The following LRRC39 variants were observed in gnomAD, a reference collection of about 807,000 sequenced individuals.
LRRC39 encodes leucine rich repeat containing 39, also known as leucine-rich repeat-containing protein 39.
LRRC39 carries 35 observed loss-of-function variants against 39.7 expected under a neutral mutation model. The observed-to-expected ratio is 0.88, with a 90% confidence interval of 0.67 to 1.17. LRRC39 has a LOEUF of 1.17. Ranked by LOEUF, LRRC39 falls within the 50% of genes most tolerant of loss-of-function variation. The pLI is 0.00. For missense variants in LRRC39, 357 were observed against 385.8 expected (o/e 0.93, Z 0.62); for synonymous variants, 113 against 134.1 (o/e 0.84, Z 1.09).
chr1:100,154,694 C>G (rs1417421511), intron 8 of LRRC39, among the ~76,000 whole-genome samples: 1 of 152,058 alleles, frequency 6.6e-6, no homozygotes, highest in African/African-American at 2.4e-5. Context: ...TTTTGTCAAC[C>G]AAGTTTTCAA....
At chr1:100,178,567 C>T (rs1179139576), upstream of LRRC39, among the ~76,000 whole-genome samples, 1 of 152,016 alleles carries the variant, frequency 6.6e-6, no homozygotes, top group Non-Finnish European at 1.5e-5. Context: ...AACCATGGAT[C>T]TGCAAATATT....
intron 9 of LRRC39, 78 bp downstream of exon 9, chr1:100,152,307 A>C: frequency 7.4e-7 from 1 of 1,349,732 alleles, no homozygotes; most frequent in Non-Finnish European, 1.0e-6. Flanking sequence ...AAAGGAATTA[A>C]TCAAAAGGCA....
chr1:100,150,332 TTAAG>T (rs1243531256), intron 9 of LRRC39: 1 of 152,226 alleles, frequency 6.6e-6, no homozygotes, highest in Non-Finnish European at 1.5e-5. Context: ...GGTAGTTTGT[TTAAG>T]TTAGTTACCC....
intron 8 of LRRC39, among the ~76,000 whole-genome samples, chr1:100,152,834 C>A (rs1321889471): frequency 6.6e-6 from 1 of 152,200 alleles, no homozygotes; most frequent in Non-Finnish European, 1.5e-5. Flanking sequence ...TCAAGTGATT[C>A]TTGTGCTTCA....
At chr1:100,155,349 C>T in intron 7 of LRRC39, 146 bp from the exon 8 acceptor site, 1 of 670,142 alleles carries the variant, frequency 1.5e-6, no homozygotes, top group Non-Finnish European at 2.3e-6. Context: ...TTCTCCCCCT[C>T]AGCCTCCTAA....
At chr1:100,162,162 T>C (rs915825430) in intron 3 of LRRC39, among the ~76,000 whole-genome samples, 2 of 152,212 alleles carry the variant, frequency 1.3e-5, no homozygotes, top group African/African-American at 4.8e-5. Context: ...AGATATTTAA[T>C]AGACTTTGTA....
chr1:100,165,840 A>G (rs993896206), intron 3 of LRRC39, among the ~76,000 whole-genome samples: 1 of 150,606 alleles, frequency 6.6e-6, no homozygotes, highest in African/African-American at 2.4e-5. Flanking sequence ...CTCTCTCCCA[A>G]GATCTGATGG....
intron 9 of LRRC39, chr1:100,149,805 AT>A (rs1254382321): frequency 6.3e-6 from 1 of 157,600 alleles, no homozygotes; most frequent in Non-Finnish European, 1.4e-5. Flanking sequence ...TTCTGCCTTT[AT>A]TTGTAAAAAT....
rs966776279 is a variant in LRRC39, at chr1:100,152,614, A to T, written c.813-90T>A. On this transcript the variant is annotated intron_variant, in intron 8 of 9. Coordinates refer to ENST00000370137, the MANE Select transcript of LRRC39 (RefSeq NM_144620.4). ...AGAAAGGTCAAATGATAATATACTAAATTACTCGTTTTTAACTGGTTTCAA... is the reference window on the plus strand; with the variant it reads ...AGAAAGGTCAAATGATAATATACTATATTACTCGTTTTTAACTGGTTTCAA... 12 of 1,360,758 alleles carry T rather than the reference A, an allele frequency of 8.8e-6. No homozygotes were observed. In the African/African-American group the frequency reaches 1.8e-4, roughly 20 times the overall value. 84.3% of individuals were successfully genotyped at this position (1,360,758 alleles called of 1,614,324 possible).
At chr1:100,149,369 C>G in intron 9 of LRRC39, 1 of 1,544,054 alleles carries the variant, frequency 6.5e-7, no homozygotes, top group Non-Finnish European at 8.7e-7. Flanking sequence ...AAGTCACCTT[C>G]AAATTTCCAG....
chr1:100,159,609 T>C (rs375949645), intron 4 of LRRC39, among the ~76,000 whole-genome samples, 194 bp from the exon 5 acceptor site: 2,332 of 126,146 alleles, frequency 0.018, 143 homozygotes, highest in African/African-American at 0.045. Context: ...TCTTTTCCTT[T>C]TTTTTTTTTT....
Position 100,152,492 on chromosome 1 carries a change from A to C in LRRC39, c.845T>G (p.Leu282Trp). Residue 282 changes from leucine to tryptophan, a missense_variant, in exon 9 of 10, where the codon TTG becomes TGG. Leu to Trp is a moderately conservative substitution (Grantham distance 61). Transcript: ENST00000370137. ...TTCACTGGGAGGAAGTGATACTTTC[A>C]ATTTCAGTGGGTTGTCTCTGAAGTT... ...FVNFRDNPLK[L>W]KVSLPPSEGT... The C allele has an allele frequency of 6.2e-7, 1 of 1,613,976 alleles. No individual in the cohort carries two copies. The highest frequency in any genetic ancestry group is 8.5e-7 in the Non-Finnish European group (1 of 1,179,968).
At chr1:100,150,793 G>A (rs72973706) in intron 9 of LRRC39, among the ~76,000 whole-genome samples, 6,292 of 152,110 alleles carry the variant, frequency 0.041, 315 homozygotes, top group African/African-American at 0.12. Context: ...AGATTCACCT[G>A]CACAATTACC....
At chr1:100,152,883 C>A (rs978597329) in intron 8 of LRRC39, among the ~76,000 whole-genome samples, 4 of 152,086 alleles carry the variant, frequency 2.6e-5, no homozygotes, top group Admixed American at 6.5e-5. Flanking sequence ...CACACCATGA[C>A]GCCCGGCCAA....
At chr1:100,167,529 C>G (rs754835411) in intron 3 of LRRC39, among the ~76,000 whole-genome samples, 6 of 152,090 alleles carry the variant, frequency 3.9e-5, no homozygotes, top group Non-Finnish European at 8.8e-5. Flanking sequence ...AATCCCAGCA[C>G]TTTAGGAGGC....
At chr1:100,161,136 A>G (rs1658845263) in intron 3 of LRRC39, among the ~76,000 whole-genome samples, 1 of 152,194 alleles carries the variant, frequency 6.6e-6, no homozygotes, top group Admixed American at 6.5e-5. Context: ...TACTTTTTTA[A>G]GTACACAATT....
upstream of LRRC39, among the ~76,000 whole-genome samples, chr1:100,179,218 A>G (rs2101805789): frequency 6.6e-6 from 1 of 152,250 alleles, no homozygotes. Context: ...TATCTCACAG[A>G]AATTCTCCAA....
Position 100,164,954 on chromosome 1 carries a change from C to T in LRRC39, c.113+3450G>A, listed in dbSNP as rs189103839. 8.3e-4 allele frequency among the ~76,000 whole-genome samples: 127 copies of T among 152,254 alleles called. 1 individual carries two copies. In the East Asian group the frequency reaches 0.017, roughly 20 times the overall value. ...TCGTTGGGCTCAAGAAATCCTCCTA[C>T]CTCAGCCTGCCAAAGTGCTGGGATT... On this transcript the variant is annotated intron_variant, in intron 3 of 9. Transcript: ENST00000370137.
chr1:100,149,166 C>G, intron 9 of LRRC39, 69 bp from the exon 10 acceptor site: 2 of 1,552,912 alleles, frequency 1.3e-6, no homozygotes, highest in Non-Finnish European at 1.7e-6. Flanking sequence ...GGAAATTTAT[C>G]TTCCTTTGAT....
Sources: allele counts gnomAD v4.1 joint callset (sites outside exome capture counted in the v4.1 genomes callset), GRCh38; gene constraint gnomAD v4.1.1; transcripts MANE v1.5; gene names NCBI Gene and HGNC (gene_info 2026-07-23, HGNC 2026-07-21).